The following NOL4 variants were observed in gnomAD, a reference collection of about 807,000 sequenced individuals.
The protein encoded by NOL4 is cancer/testis antigen 125.
In NOL4, 17 loss-of-function variants were observed where a neutral mutation model predicts 75.9. That is an observed-to-expected ratio of 0.22 (90% confidence interval 0.15 to 0.34). The LOEUF (loss-of-function observed/expected upper bound fraction) is 0.34, where lower values mean the gene tolerates loss of function less well. Among genes scored for constraint, NOL4 ranks in the 10% least tolerant of loss-of-function variants. The pLI, the probability that NOL4 is intolerant of heterozygous loss-of-function variation, is 1.00. For synonymous variants in NOL4, 292 were observed against 289.9 expected (o/e 1.01, Z -0.07); for missense variants, 614 against 793.5 (o/e 0.77, Z 2.72).
chr18:33,851,832 G>A lies in NOL4; in HGVS notation c.*1010C>T, dbSNP rs2062642907. On this transcript the variant is annotated 3_prime_UTR_variant, in exon 11 of 11. Transcript: ENST00000261592. ...TATCAGGAGATGTAATGGTCTTTTT[G>A]GAAACTATTTCTGAAAGAAATGAAA... The A allele has an allele frequency of 6.6e-6, 1 of 152,338 alleles. No individual in the cohort carries two copies. The highest frequency in any genetic ancestry group is 1.5e-5 in the Non-Finnish European group (1 of 67,960). 9.4% of individuals were successfully genotyped at this position (152,338 alleles called of 1,614,324 possible). A position where few individuals can be genotyped will look rare whatever the true frequency, so the allele number is the denominator to read the frequency against.
At chr18:34,184,429 G>A (rs2034297949) in intron 1 of NOL4, among the ~76,000 whole-genome samples, 1 of 151,960 alleles carries the variant, frequency 6.6e-6, no homozygotes, top group Admixed American at 6.6e-5. Context: ...GCATTTAGAA[G>A]GGATAACTAA....
chr18:33,866,047 A>G (rs1250408703), intron 10 of NOL4, among the ~76,000 whole-genome samples: 1 of 152,170 alleles, frequency 6.6e-6, no homozygotes, highest in East Asian at 1.9e-4. Flanking sequence ...AGAGAACCTT[A>G]TAGACTGTAC....
At chr18:34,019,728 G>T in intron 5 of NOL4, 127 bp from the exon 6 acceptor site, 1 of 783,452 alleles carries the variant, frequency 1.3e-6, no homozygotes, top group Non-Finnish European at 2.0e-6. Context: ...TTCATCCTCA[G>T]CAATAAGCTT....
chr18:34,160,021 C>G (rs367920155), intron 1 of NOL4, among the ~76,000 whole-genome samples: 6 of 152,132 alleles, frequency 3.9e-5, no homozygotes, highest in African/African-American at 1.4e-4. Context: ...CATACAGGAA[C>G]AGATTTTGCT....
chr18:34,147,201 AC>A (rs1377601353), intron 1 of NOL4, among the ~76,000 whole-genome samples: 1 of 152,014 alleles, frequency 6.6e-6, no homozygotes, highest in Non-Finnish European at 1.5e-5. Context: ...CTATTTGAAT[AC>A]CCTTTATTTA....
At chr18:33,925,637 C>T (rs571706061) in intron 9 of NOL4, among the ~76,000 whole-genome samples, 9 of 152,300 alleles carry the variant, frequency 5.9e-5, no homozygotes, top group Middle Eastern at 3.4e-3. Context: ...TGTATGATGA[C>T]ATTAACAGTT....
intron 6 of NOL4, among the ~76,000 whole-genome samples, chr18:33,985,158 CAT>C: frequency 6.6e-6 from 1 of 152,082 alleles, no homozygotes; most frequent in Non-Finnish European, 1.5e-5. Flanking sequence ...AAATGAGTAA[CAT>C]TAACTATTTT....
In NOL4 at chr18:33,932,907, C is replaced by T. The variant is rs369392196; in HGVS notation, c.1542+10158G>A. On this transcript the variant is annotated intron_variant, in intron 9 of 10. Transcript: ENST00000261592. ...CACATTCATATATGTTTCTGCTGTG[C>T]TGTTATTGACATTATTATTAAAGAG... Among the ~76,000 whole-genome samples, 23 of 152,098 alleles carry T rather than the reference C, an allele frequency of 1.5e-4. No homozygotes were observed. In the East Asian group the frequency reaches 3.1e-3, roughly 21 times the overall value.
At chr18:34,021,069 T>C (rs1229342898) in intron 5 of NOL4, among the ~76,000 whole-genome samples, 1 of 152,220 alleles carries the variant, frequency 6.6e-6, no homozygotes, top group Non-Finnish European at 1.5e-5. Flanking sequence ...GAAAGAGTGA[T>C]ATAACTCACA....
chr18:34,201,442 T>TA (rs1484402505), intron 1 of NOL4, among the ~76,000 whole-genome samples: 2 of 151,820 alleles, frequency 1.3e-5, no homozygotes, highest in Non-Finnish European at 2.9e-5. Context: ...CCGCTACTCT[T>TA]ACTGTCAATG....
At chr18:33,907,015 C>A (rs1332558234) in intron 9 of NOL4, among the ~76,000 whole-genome samples, 1 of 151,978 alleles carries the variant, frequency 6.6e-6, no homozygotes, top group Non-Finnish European at 1.5e-5. Context: ...ACTTAGTTTT[C>A]AGATTGCTAC....
chr18:34,184,194 T>G (rs1016834382), intron 1 of NOL4, among the ~76,000 whole-genome samples: 3 of 151,800 alleles, frequency 2.0e-5, no homozygotes, highest in Admixed American at 6.6e-5. Flanking sequence ...GAATTGAAAC[T>G]GCAAACAGGC....
rs200251790 is a variant in NOL4 at position 34,107,413 on chromosome 18, A to G, written c.415-2253T>C. Among the ~76,000 whole-genome samples the G allele has an allele frequency of 6.6e-5, 10 of 152,142 alleles. No homozygotes were observed. The East Asian group carries it at 1.9e-3, about 29-fold the overall frequency. ...ATATTATTCTTTCCGGTATGGCTCT[A>G]ACATAGTACTTGCCATGTCACTATC... is the stretch of plus-strand genomic sequence containing the variant. On this transcript the variant is annotated intron_variant, in intron 2 of 10. Coordinates refer to ENST00000261592, the MANE Select transcript of NOL4 (RefSeq NM_003787.5).
intron 6 of NOL4, among the ~76,000 whole-genome samples, chr18:33,996,256 G>T: frequency 6.6e-6 from 1 of 151,664 alleles, no homozygotes; most frequent in Admixed American, 6.6e-5. Flanking sequence ...CTCATACGGA[G>T]AAATTCCTAA....
chr18:33,971,959 A>T (rs1307185983), intron 6 of NOL4, among the ~76,000 whole-genome samples: 1 of 152,074 alleles, frequency 6.6e-6, no homozygotes, highest in East Asian at 1.9e-4. Flanking sequence ...TGAGGTCAGA[A>T]GTTCAAAACC....
chr18:33,998,818 A>G (rs1214522116), intron 6 of NOL4, among the ~76,000 whole-genome samples: 8 of 152,110 alleles, frequency 5.3e-5, no homozygotes, highest in Admixed American at 5.2e-4. Context: ...CACTTCCATG[A>G]GTTTAGTACA....
intron 10 of NOL4, among the ~76,000 whole-genome samples, chr18:33,862,265 T>A (rs1426587548): frequency 5.3e-5 from 8 of 151,968 alleles, no homozygotes; most frequent in East Asian, 3.9e-4. Context: ...ATACAAAAAT[T>A]AATTCAAGAT....
In NOL4 at chr18:33,883,265, G is replaced by C; in HGVS notation, c.1702C>G (p.Leu568Val). 1 of 1,602,050 alleles carries C rather than the reference G, an allele frequency of 6.2e-7. No homozygotes were observed. The highest frequency in any genetic ancestry group is 1.3e-5 in the African/African-American group (1 of 74,354). Reference sequence around the variant, plus strand: ...TCACCACTGCTGGAAGCATCATTCAGATTTAGCAGACCCCCTCCTAGCCCT... The same window carrying C: ...TCACCACTGCTGGAAGCATCATTCACATTTAGCAGACCCCCTCCTAGCCCT... ...YRGLGGGLLN[L>V]NDASSSGPTD... The change falls in exon 10 of 11, where the codon CTG becomes GTG. Residue 568 changes from leucine to valine, a missense_variant. Around this residue, in one of 9 missense-constraint regions of NOL4, gnomAD observed 128 missense variants for 159.9 expected, o/e 0.80. Coordinates refer to ENST00000261592, the MANE Select transcript of NOL4 (RefSeq NM_003787.5).
chr18:33,915,633 T>A (rs982581753), intron 9 of NOL4, among the ~76,000 whole-genome samples: 1 of 152,238 alleles, frequency 6.6e-6, no homozygotes, highest in South Asian at 2.1e-4. Context: ...GCGAGATATA[T>A]GGCTTCTAAT....
Sources: gnomAD v4.1 joint callset for allele counts (sites outside exome capture counted in the v4.1 genomes callset) on GRCh38, gnomAD v4.1.1 for gene constraint, gnomAD v4.1.1 regional missense constraint, MANE v1.5 for transcripts, NCBI Gene and HGNC (gene_info 2026-07-23, HGNC 2026-07-21) for gene names.